The following ABCC10 variants were observed in gnomAD, a reference collection of about 807,000 sequenced individuals.
The protein encoded by ABCC10 is ATP-binding cassette sub-family C member 10.
ABCC10 carries 110 observed loss-of-function variants against 143.2 expected under a neutral mutation model. The observed-to-expected ratio is 0.77, with a 90% CI of 0.66 to 0.90. The LOEUF is 0.90. Ranked by LOEUF, ABCC10 falls within the 40% of genes least tolerant of loss-of-function variation. ABCC10 has a pLI of 0.00. For missense variants in ABCC10, 1,700 were observed against 1,900.5 expected, an observed-to-expected ratio of 0.89 and a Z score of 1.96; for synonymous variants, 805 against 846.7, an observed-to-expected ratio of 0.95 and a Z score of 0.85.
At chr6:43,437,091 G>A (rs1185458003) in intron 6 of ABCC10, among the ~76,000 whole-genome samples, 1 of 152,168 alleles carries the variant, frequency 6.6e-6, no homozygotes, top group East Asian at 1.9e-4. Context: ...GCCTCAACTC[G>A]CAGAGCTCTC....
At chr6:43,447,601 C>T (rs1467442796) in intron 17 of ABCC10, 83 bp from the exon 18 acceptor site, 1 of 1,581,400 alleles carries the variant, frequency 6.3e-7, no homozygotes, top group Non-Finnish European at 8.6e-7. Context: ...GTCCATTTCT[C>T]ATTATTCTCC....
Position 43,435,061 on chromosome 6 carries a change from C to CT in ABCC10, c.1608+216dup. ...AGTTCCTTTCTTTCCTCTCCTCTAC[C>CT]TTTCACTCCAGCTTCTATTCAGTTC... On this transcript the variant is annotated intron_variant, in intron 4 of 21. Coordinates refer to ENST00000372530, the MANE Select transcript of ABCC10 (RefSeq NM_001198934.2). The CT allele has an allele frequency of 5.3e-6, 3 of 571,114 alleles. No homozygotes were observed. The South Asian group carries it at 6.6e-5, about 13-fold the overall frequency. 35.4% of individuals were successfully genotyped at this position (571,114 alleles called of 1,614,324 possible). A position where few individuals can be genotyped will look rare whatever the true frequency, so the allele number is the denominator to read the frequency against.
intron 6 of ABCC10, among the ~76,000 whole-genome samples, chr6:43,436,478 CAG>C (rs1245276360): frequency 6.6e-6 from 1 of 152,180 alleles, no homozygotes; most frequent in African/African-American, 2.4e-5. Context: ...TGTATCCATC[CAG>C]TCCAGACCAA....
At position 43,441,986 on chromosome 6, in the gene ABCC10, G is replaced by A. The variant is rs555968629; in HGVS notation, c.2226+26G>A. The A allele has an allele frequency of 2.5e-6, 4 of 1,603,994 alleles. No individual in the cohort carries two copies. The South Asian group carries it at 3.3e-5, about 13-fold the overall frequency. The stretch of plus-strand genomic sequence containing the variant: ...GTCAGTTAAAGATGGAGGTTGCAGT[G>A]GCAGGGAGGTGGGGGGAGTCCAGAG... On this transcript the variant is annotated intron_variant, in intron 9 of 21. Coordinates refer to ENST00000372530, the MANE Select transcript of ABCC10 (RefSeq NM_001198934.2).
chr6:43,440,222 G>A (rs541513006), intron 8 of ABCC10, among the ~76,000 whole-genome samples: 1 of 152,274 alleles, frequency 6.6e-6, no homozygotes, highest in Admixed American at 6.5e-5. Context: ...CTCCCAAAGT[G>A]CTGGGATTAC....
At chr6:43,435,139 A>G (rs1407217367) in intron 4 of ABCC10, 2 of 351,622 alleles carry the variant, frequency 5.7e-6, no homozygotes, top group Non-Finnish European at 1.0e-5. Flanking sequence ...TAGGAAAAAA[A>G]TGTATGATGC....
chr6:43,438,607 C>T lies in ABCC10; in HGVS notation c.1956-17C>T, dbSNP rs763058587. 1.5e-5 allele frequency: 24 copies of T among 1,612,028 alleles called. No homozygotes were observed. Among genetic ancestry groups the T allele is most frequent in the Admixed American group, 3.3e-5 (2 of 59,910 alleles). ...GAGGAGAGCTGGTCCTCATATTGCT[C>T]GCCTGGCTCTCTGCAGGCTGCGTGG... On this transcript the variant is annotated splice_polypyrimidine_tract_variant and intron_variant, in intron 7 of 21. Coordinates refer to ENST00000372530, the MANE Select transcript of ABCC10 (RefSeq NM_001198934.2).
intron 4 of ABCC10, chr6:43,435,120 T>A (rs1383309132): frequency 2.5e-6 from 1 of 399,108 alleles, no homozygotes; most frequent in African/African-American, 2.0e-5. Flanking sequence ...ATCCTCGTTC[T>A]AATGGCCTTA....
At chr6:43,440,521 G>T (rs1468946497) in intron 8 of ABCC10, among the ~76,000 whole-genome samples, 1 of 152,094 alleles carries the variant, frequency 6.6e-6, no homozygotes, top group African/African-American at 2.4e-5. Context: ...CTAGCATTTT[G>T]GGAGGCCAAG....
intron 4 of ABCC10, 160 bp downstream of exon 4, chr6:43,435,008 G>A (rs1166824785): frequency 5.8e-6 from 4 of 692,206 alleles, no homozygotes; most frequent in Admixed American, 5.6e-5. Flanking sequence ...TGGGGGCCTT[G>A]GATATATAAC....
Position 43,450,230 on chromosome 6 carries a change from G to T in ABCC10, c.*139G>T. The T allele has an allele frequency of 8.9e-7, 1 of 1,118,024 alleles. No individual in the cohort carries two copies. The highest frequency in any genetic ancestry group is 1.6e-5 in the South Asian group (1 of 60,882). 69.3% of individuals were successfully genotyped at this position (1,118,024 alleles called of 1,614,324 possible). A position where few individuals can be genotyped will look rare whatever the true frequency, so the allele number is the denominator to read the frequency against. On this transcript the variant is annotated 3_prime_UTR_variant, in exon 22 of 22. Coordinates refer to ENST00000372530, the MANE Select transcript of ABCC10 (RefSeq NM_001198934.2). The surrounding 1 kb of genome is among the most constrained non-coding windows in gnomAD (Gnocchi z 4.5). Reference sequence around the variant, plus strand: ...CCCCAGAAGGGAAAAGGGCACCCTGGATTACTCTTTGGAAATCACTCCTTG... The same window carrying T: ...CCCCAGAAGGGAAAAGGGCACCCTGTATTACTCTTTGGAAATCACTCCTTG...
In ABCC10 at chr6:43,432,148, A is replaced by G; in HGVS notation, c.168A>G (p.Pro56=). ...TCTTCCCCCTTGTCCCCAGGAGTCC[A>G]GATTACATCCTACCCTGCAGTCCTG... ...SACYLGTPRS[P]DYILPCSPGW... The change falls in exon 3 of 22, where the codon CCA becomes CCG. Residue 56 remains proline, a synonymous_variant. Coordinates refer to ENST00000372530, the MANE Select transcript of ABCC10 (RefSeq NM_001198934.2). 6.2e-7 allele frequency: 1 copy of G among 1,614,034 alleles called. No homozygotes were observed. The highest frequency in any genetic ancestry group is 1.1e-5 in the South Asian group (1 of 91,078).
chr6:43,441,578 A>G (rs1017911994), intron 8 of ABCC10, among the ~76,000 whole-genome samples: 1 of 152,174 alleles, frequency 6.6e-6, no homozygotes, highest in Non-Finnish European at 1.5e-5. Flanking sequence ...AATCTGTCTG[A>G]GCTTTGGTTG....
At chr6:43,435,060 C>T (rs1430269202) in intron 4 of ABCC10, 19 of 571,430 alleles carry the variant, frequency 3.3e-5, no homozygotes, top group Non-Finnish European at 5.9e-5. Context: ...CTCTCCTCTA[C>T]CTTTCACTCC....
chr6:43,427,769 G>A lies in ABCC10; in HGVS notation c.-12+12G>A. The A allele has an allele frequency of 1.6e-6, 1 of 618,930 alleles. No homozygotes were observed. The highest frequency in any genetic ancestry group is 1.8e-5 in the African/African-American group (1 of 54,784). 38.3% of individuals were successfully genotyped at this position (618,930 alleles called of 1,614,324 possible). ...AAACAGATGGCAAGGTGGGTGACCA[G>A]CGTCCAGAAATCCACTGGGGAAACC... On this transcript the variant is annotated intron_variant, in intron 1 of 21. Coordinates refer to ENST00000372530, the MANE Select transcript of ABCC10 (RefSeq NM_001198934.2).
Position 43,428,006 on chromosome 6 carries a change from G to A in ABCC10, c.28G>A (p.Gly10Ser), listed in dbSNP as rs756940406. ...GGAACGACTTCTGGCCCAGCTGTGC[G>A]GCAGCAGCGCAGCGTGGCCGCTCCC... MERLLAQLC[G>S]SSAAWPLPLW... is the part of the protein sequence containing the mutation. The change falls in exon 2 of 22, where the codon GGC becomes AGC. Residue 10 changes from glycine (G) to serine (S), a missense_variant. Physicochemically the swap from Gly to Ser is moderately conservative, Grantham distance 56. Transcript: ENST00000372530. 1.2e-6 allele frequency: 2 copies of A among 1,611,040 alleles called. No individual in the cohort carries two copies. Among genetic ancestry groups the A allele is most frequent in the African/African-American group, 1.3e-5 (1 of 74,922 alleles).
At chr6:43,434,550 G>A in intron 3 of ABCC10, 71 bp from the exon 4 acceptor site, 1 of 1,418,130 alleles carries the variant, frequency 7.1e-7, no homozygotes, top group Non-Finnish European at 9.8e-7. Context: ...AGCAGCCTGG[G>A]GAAGGCTTGG....
chr6:43,444,749 G>A (rs1330580126), intron 12 of ABCC10, 39 bp from the exon 13 acceptor site: 1 of 1,545,344 alleles, frequency 6.5e-7, no homozygotes, highest in Non-Finnish European at 8.7e-7. Context: ...ACAAGGGAGA[G>A]GAGCCTCTTA....
rs375257154 is a variant in ABCC10, at chr6:43,433,261, C to T, written c.1281C>T (p.Leu427=). Residue 427 remains leucine (L), a synonymous_variant, in exon 3 of 22, where the codon CTC becomes CTT. Coordinates refer to ENST00000372530, the MANE Select transcript of ABCC10 (RefSeq NM_001198934.2). ...QQVGVAFVGG[L]ILALLLVPVN... is the part of the protein sequence containing the mutation. ...TAGGCGTGGCCTTCGTGGGTGGTCT[C>T]ATCTTGGCACTGCTGCTGGTACCCG... 162 of 1,614,090 alleles carry T rather than the reference C, an allele frequency of 1.0e-4. No homozygotes were observed. Among genetic ancestry groups the T allele is most frequent in the Non-Finnish European group, 1.3e-4 (151 of 1,180,026 alleles).
Sources: gnomAD v4.1 joint callset for allele counts (sites outside exome capture counted in the v4.1 genomes callset) on GRCh38, gnomAD v4.1.1 for gene constraint, Gnocchi (gnomAD v3.1) non-coding constraint, MANE v1.5 for transcripts, NCBI Gene and HGNC (gene_info 2026-07-23, HGNC 2026-07-21) for gene names.